Variants in GRIK1 observed in about 807,000 individuals in gnomAD.
GRIK1 encodes glutamate receptor ionotropic, kainate 1.
In GRIK1, 69 loss-of-function variants were observed where a neutral mutation model predicts 105.7. The ratio of observed to expected loss-of-function variants is 0.65; its 90% CI spans 0.54 to 0.80. The LOEUF is 0.80. GRIK1 is among the 30% of genes least tolerant of loss of function. The probability of loss-of-function intolerance (pLI) is 0.00; values close to 1 mark genes in which losing one functional copy is unlikely to be tolerated. For missense variants in GRIK1, 1,109 were observed against 1,167.3 expected, an observed-to-expected ratio of 0.95 and a Z score of 0.73; for synonymous variants, 438 against 431.3, an observed-to-expected ratio of 1.02 and a Z score of -0.19.
intron 14 of GRIK1, among the ~76,000 whole-genome samples, chr21:29,563,257 G>C (rs1263677712): frequency 1.3e-5 from 2 of 152,130 alleles, no homozygotes; most frequent in Non-Finnish European, 2.9e-5. Context: ...CTCTATCACG[G>C]TTATTCATGC....
At chr21:29,545,845 C>T (rs888615083) in intron 16 of GRIK1, among the ~76,000 whole-genome samples, 3 of 151,808 alleles carry the variant, frequency 2.0e-5, no homozygotes, top group African/African-American at 4.8e-5. Flanking sequence ...AAATAGAACT[C>T]ACCTTAGCTT....
intron 1 of GRIK1, among the ~76,000 whole-genome samples, chr21:29,867,982 AAG>A (rs1414262935): frequency 2.0e-5 from 3 of 148,276 alleles, no homozygotes; most frequent in South Asian, 2.2e-4. Flanking sequence ...AAGAGAGAAA[AAG>A]AGGAGAGAAG....
chr21:29,786,915 T>A (rs1376292109), intron 1 of GRIK1, among the ~76,000 whole-genome samples: 2 of 152,212 alleles, frequency 1.3e-5, no homozygotes, highest in Non-Finnish European at 2.9e-5. Context: ...TTGCTTTGAA[T>A]AAGAATATCT....
At chr21:29,648,865 C>T (rs2146548373) in intron 6 of GRIK1, among the ~76,000 whole-genome samples, 1 of 152,242 alleles carries the variant, frequency 6.6e-6, no homozygotes, top group South Asian at 2.1e-4. Context: ...ACAGCAAGTG[C>T]TTGATGTGCA....
intron 1 of GRIK1, among the ~76,000 whole-genome samples, chr21:29,912,226 G>A (rs1023297719): frequency 2.0e-5 from 3 of 151,976 alleles, no homozygotes; most frequent in African/African-American, 7.2e-5. Flanking sequence ...TCAGCCTAAG[G>A]GCTAAGGTCA....
chr21:29,716,792 TCAAGTCC>T (rs1318536641), intron 1 of GRIK1, among the ~76,000 whole-genome samples: 4 of 152,170 alleles, frequency 2.6e-5, no homozygotes, highest in Non-Finnish European at 2.9e-5. Flanking sequence ...GGAGAGAAAT[TCAAGTCC>T]ACTGCAGAAA....
chr21:29,630,751 A>G (rs547287180), intron 7 of GRIK1: 167 of 368,892 alleles, frequency 4.5e-4, no homozygotes, highest in Non-Finnish European at 8.3e-4. Context: ...TAACATCCCT[A>G]GTTTGTGTGT....
At chr21:29,810,998 AGACT>A (rs368913208) in intron 1 of GRIK1, among the ~76,000 whole-genome samples, 5 of 152,166 alleles carry the variant, frequency 3.3e-5, no homozygotes, top group African/African-American at 1.2e-4. Flanking sequence ...GTTCCCCCTG[AGACT>A]GACAGGCAAT....
chr21:29,776,072 C>T (rs1333766120), intron 1 of GRIK1, among the ~76,000 whole-genome samples: 1 of 152,176 alleles, frequency 6.6e-6, no homozygotes, highest in African/African-American at 2.4e-5. Context: ...AAGGAACTAC[C>T]AAACACTTTT....
At chr21:29,597,459 G>C (rs902817154) in intron 8 of GRIK1, 1 of 250,254 alleles carries the variant, frequency 4.0e-6, no homozygotes, top group African/African-American at 2.2e-5. Context: ...CTATACATAA[G>C]AGGAGAACAG....
chr21:29,770,220 C>T (rs890146688), intron 1 of GRIK1, among the ~76,000 whole-genome samples: 2 of 152,168 alleles, frequency 1.3e-5, no homozygotes, highest in Admixed American at 6.6e-5. Flanking sequence ...ATACTTCATC[C>T]GGAATTGGAA....
At chr21:29,644,494 G>T (rs1210987427) in intron 6 of GRIK1, among the ~76,000 whole-genome samples, 1 of 152,196 alleles carries the variant, frequency 6.6e-6, no homozygotes, top group East Asian at 1.9e-4. Context: ...TTAAGATATA[G>T]TTTTAAGAAA....
intron 1 of GRIK1, among the ~76,000 whole-genome samples, chr21:29,929,793 T>C (rs1214078779): frequency 6.6e-6 from 1 of 152,208 alleles, no homozygotes; most frequent in East Asian, 1.9e-4. Context: ...AATTATCATA[T>C]GCTCCAGCAA....
intron 12 of GRIK1, chr21:29,582,494 A>G (rs555536878): frequency 3.6e-6 from 1 of 279,654 alleles, no homozygotes; most frequent in South Asian, 3.6e-5. Context: ...CTATTGCCTC[A>G]ATTTCCTTAT....
chr21:29,827,269 G>A (rs568400279), intron 1 of GRIK1, among the ~76,000 whole-genome samples: 53 of 152,104 alleles, frequency 3.5e-4, no homozygotes, highest in Non-Finnish European at 6.0e-4. Flanking sequence ...TTTGAACTCA[G>A]GCCCTAGACA....
At chr21:29,645,669 T>G (rs148099956) in intron 6 of GRIK1, among the ~76,000 whole-genome samples, 1 of 152,162 alleles carries the variant, frequency 6.6e-6, no homozygotes, top group African/African-American at 2.4e-5. Context: ...AAACTACCAC[T>G]GATTTTCCTC....
chr21:29,632,026 T>C (rs2062286983), intron 7 of GRIK1, among the ~76,000 whole-genome samples: 1 of 152,176 alleles, frequency 6.6e-6, no homozygotes, highest in South Asian at 2.1e-4. Flanking sequence ...CAGAAGGGAT[T>C]GGACAAGTAC....
intron 1 of GRIK1, among the ~76,000 whole-genome samples, chr21:29,757,429 T>C (rs1254263335): frequency 6.6e-6 from 1 of 152,262 alleles, no homozygotes; most frequent in Admixed American, 6.5e-5. Context: ...ATCAATTAAG[T>C]AAACTACACT....
chr21:29,623,221 AG>A (rs779097950), intron 7 of GRIK1, among the ~76,000 whole-genome samples: 7 of 152,212 alleles, frequency 4.6e-5, no homozygotes, highest in Non-Finnish European at 7.3e-5. Context: ...GAGCATGTGC[AG>A]GGGAATCCCT....
Sources: gnomAD v4.1 joint callset for allele counts (sites outside exome capture counted in the v4.1 genomes callset) on GRCh38, gnomAD v4.1.1 for gene constraint, MANE v1.5 for transcripts, NCBI Gene and HGNC (gene_info 2026-07-23, HGNC 2026-07-21) for gene names.